Variants in SLX4IP observed in about 807,000 individuals in gnomAD.
SLX4IP encodes the protein protein SLX4IP.
A neutral mutation model predicts 32.9 loss-of-function variants in SLX4IP; 34 were observed. The ratio of observed to expected loss-of-function variants is 1.03; its 90% CI spans 0.79 to 1.38. SLX4IP has a LOEUF of 1.38. Ranked by LOEUF, SLX4IP falls within the 40% of genes most tolerant of loss-of-function variation. The pLI is 0.00. For missense variants in SLX4IP, 444 were observed against 479.0 expected (o/e 0.93, Z 0.68); for synonymous variants, 172 against 171.7 (o/e 1.00, Z -0.01).
intron 6 of SLX4IP, chr20:10,613,168 C>T: frequency 4.1e-6 from 2 of 487,274 alleles, no homozygotes; most frequent in South Asian, 4.2e-5. Flanking sequence ...GAGGCAAGTG[C>T]TGTCAGGAAG....
chr20:10,451,306 G>A (rs939650446), intron 1 of SLX4IP, among the ~76,000 whole-genome samples: 1 of 151,794 alleles, frequency 6.6e-6, no homozygotes, highest in South Asian at 2.1e-4. Context: ...GATTACAGGC[G>A]CCCACCACCA....
At chr20:10,607,301 A>G (rs377304668) in intron 6 of SLX4IP, among the ~76,000 whole-genome samples, 29 of 152,304 alleles carry the variant, frequency 1.9e-4, no homozygotes, top group Middle Eastern at 6.8e-3. Context: ...TCTCTGCCTT[A>G]TGCTTCATTT....
intron 2 of SLX4IP, among the ~76,000 whole-genome samples, chr20:10,467,525 T>C (rs1042330690): frequency 1.3e-5 from 2 of 152,212 alleles, no homozygotes; most frequent in East Asian, 1.9e-4. Context: ...CTTAATTTCA[T>C]GTATTCCTTG....
intron 2 of SLX4IP, among the ~76,000 whole-genome samples, chr20:10,528,781 C>A (rs1226918965): frequency 6.6e-6 from 1 of 152,162 alleles, no homozygotes; most frequent in African/African-American, 2.4e-5. Flanking sequence ...CAGTGTTTGC[C>A]CCACTGGTCA....
At chr20:10,605,839 G>A (rs2066899958) in intron 6 of SLX4IP, among the ~76,000 whole-genome samples, 1 of 152,182 alleles carries the variant, frequency 6.6e-6, no homozygotes, top group Non-Finnish European at 1.5e-5. Flanking sequence ...CACTAACTCA[G>A]CTGCTTCTCT....
At chr20:10,481,838 G>A (rs1296086550) in intron 2 of SLX4IP, among the ~76,000 whole-genome samples, 8 of 152,118 alleles carry the variant, frequency 5.3e-5, no homozygotes, top group Non-Finnish European at 1.0e-4. Context: ...GCTCAGTCGC[G>A]GGGAGGATCT....
chr20:10,459,052 A>G (rs1434062947), intron 2 of SLX4IP, among the ~76,000 whole-genome samples: 4 of 152,226 alleles, frequency 2.6e-5, no homozygotes, highest in African/African-American at 9.6e-5. Flanking sequence ...AATAATCGCC[A>G]TTCTCACTGG....
At chr20:10,542,844 C>T (rs1416172325) in intron 2 of SLX4IP, among the ~76,000 whole-genome samples, 1 of 152,166 alleles carries the variant, frequency 6.6e-6, no homozygotes, top group African/African-American at 2.4e-5. Context: ...TTCCCAGATC[C>T]AGTTTTTGCT....
chr20:10,622,212 A>G (rs2067119339), intron 7 of SLX4IP, among the ~76,000 whole-genome samples: 1 of 152,208 alleles, frequency 6.6e-6, no homozygotes, highest in Non-Finnish European at 1.5e-5. Flanking sequence ...ATATTTGGGT[A>G]ACATCTTGAA....
At chr20:10,550,825 C>T (rs542789868) in intron 2 of SLX4IP, among the ~76,000 whole-genome samples, 6 of 152,334 alleles carry the variant, frequency 3.9e-5, no homozygotes, top group South Asian at 4.1e-4. Flanking sequence ...TACTTGACTG[C>T]GACACCACCT....
At chr20:10,597,982 C>T (rs576289482) in intron 4 of SLX4IP, among the ~76,000 whole-genome samples, 1 of 152,260 alleles carries the variant, frequency 6.6e-6, no homozygotes, top group South Asian at 2.1e-4. Flanking sequence ...TATTTACAGG[C>T]AAAATACATC....
At chr20:10,493,949 T>G (rs1050865428) in intron 2 of SLX4IP, among the ~76,000 whole-genome samples, 1 of 148,122 alleles carries the variant, frequency 6.8e-6, no homozygotes, top group African/African-American at 2.5e-5. Context: ...CCTCCTGCTT[T>G]GGCCTCCCAA....
At chr20:10,577,719 T>A (rs1193883026) in intron 4 of SLX4IP, among the ~76,000 whole-genome samples, 1 of 152,226 alleles carries the variant, frequency 6.6e-6, no homozygotes, top group Non-Finnish European at 1.5e-5. Flanking sequence ...AGACCCTGTC[T>A]CTTTAATGAT....
At chr20:10,478,747 G>A (rs142231131) in intron 2 of SLX4IP, among the ~76,000 whole-genome samples, 185 of 152,182 alleles carry the variant, frequency 1.2e-3, no homozygotes, top group Middle Eastern at 6.8e-3. Flanking sequence ...AAACAGATGC[G>A]TTGATGACTG....
At chr20:10,511,692 G>GT (rs2065809029) in intron 2 of SLX4IP, among the ~76,000 whole-genome samples, 2 of 152,304 alleles carry the variant, frequency 1.3e-5, no homozygotes, top group South Asian at 4.1e-4. Flanking sequence ...CTTGGAAAAC[G>GT]TAAGGACCCA....
chr20:10,519,262 T>TTCTCCTTGCCA, intron 2 of SLX4IP, among the ~76,000 whole-genome samples: 1 of 152,316 alleles, frequency 6.6e-6, no homozygotes, highest in East Asian at 1.9e-4. Context: ...ATTCAGTAGT[T>TTCTCCTTGCCA]TTTAGTATCT....
intron 2 of SLX4IP, among the ~76,000 whole-genome samples, chr20:10,535,093 T>C (rs1275143030): frequency 1.3e-5 from 2 of 151,988 alleles, no homozygotes; most frequent in Non-Finnish European, 2.9e-5. Flanking sequence ...AACAGACTGG[T>C]AATAGATTGA....
At chr20:10,494,142 CTT>C (rs1426986372) in intron 2 of SLX4IP, among the ~76,000 whole-genome samples, 2 of 151,336 alleles carry the variant, frequency 1.3e-5, no homozygotes, top group African/African-American at 2.4e-5. Flanking sequence ...ATTATTGAAA[CTT>C]TTTATGAATG....
chr20:10,489,390 A>G (rs1346848353), intron 2 of SLX4IP, among the ~76,000 whole-genome samples: 1 of 152,114 alleles, frequency 6.6e-6, no homozygotes, highest in African/African-American at 2.4e-5. Context: ...TTTAAATAAT[A>G]CCACCTAAGG....
Sources: gnomAD v4.1 joint callset for allele counts (sites outside exome capture counted in the v4.1 genomes callset) on GRCh38, gnomAD v4.1.1 for gene constraint, MANE v1.5 for transcripts, NCBI Gene and HGNC (gene_info 2026-07-23, HGNC 2026-07-21) for gene names.